Variants in TTC9C observed in about 807,000 individuals in gnomAD.
TTC9C encodes the protein tetratricopeptide repeat protein 9C.
A neutral mutation model predicts 22.5 loss-of-function variants in TTC9C; 15 were observed. That is an observed-to-expected ratio of 0.67 (90% CI 0.45 to 1.03). The LOEUF (loss-of-function observed/expected upper bound fraction) is 1.03. TTC9C is among the 50% of genes least tolerant of loss of function. The pLI is 0.00. For missense variants in TTC9C, 244 were observed against 214.6 expected (o/e 1.14, Z -0.86); for synonymous variants, 92 against 86.8 (o/e 1.06, Z -0.33).
intron 1 of TTC9C, among the ~76,000 whole-genome samples, chr11:62,731,666 C>G (rs2083850896): frequency 6.6e-6 from 1 of 151,796 alleles, no homozygotes. Context: ...ATTCTCTGTC[C>G]CGACATAGTT....
intron 1 of TTC9C, among the ~76,000 whole-genome samples, chr11:62,731,925 TCCTCCCGCCTTGG>T (rs2083855022): frequency 1.4e-5 from 2 of 146,072 alleles, no homozygotes; most frequent in South Asian, 4.3e-4. Context: ...GACCTAGTGA[TCCTCCCGCCTTGG>T]CCTCCCAAAG....
chr11:62,738,528 C>A lies in TTC9C; in HGVS notation c.*146C>A, dbSNP rs7114249. ...TTCTAGTTCTGCACAAACTTCACTA[C>A]TTAGACAGTCTGAGTCTTTTTCTGT... On this transcript the variant is annotated 3_prime_UTR_variant, in exon 3 of 3. Coordinates refer to ENST00000316461, the MANE Select transcript of TTC9C (RefSeq NM_173810.4). 7,542 of 561,664 alleles carry A rather than the reference C, an allele frequency of 0.013. 421 individuals are homozygous for A. Among genetic ancestry groups the A allele is most frequent in the African/African-American group, 0.13 (6,695 of 53,178 alleles). The allele number at this position is 561,664 out of a possible 1,614,324, so 34.8% of individuals were successfully genotyped here.
In TTC9C at chr11:62,735,512, C is replaced by T; in HGVS notation, c.369C>T (p.Asp123=). The change falls in exon 2 of 3, where the codon GAC becomes GAT. Residue 123 remains aspartate (D), a synonymous_variant. Coordinates refer to ENST00000316461, the MANE Select transcript of TTC9C (RefSeq NM_173810.4). ...RAGVAFFHLQ[D]YDQARHYLLA... The stretch of plus-strand genomic sequence containing the variant: ...GAGTGGCCTTTTTCCATCTGCAGGA[C>T]TATGACCAGGCCCGCCACTACCTCC... The T allele has an allele frequency of 6.2e-7, 1 of 1,613,714 alleles. No homozygotes were observed.
intron 2 of TTC9C, chr11:62,735,788 G>T (rs2083904674): frequency 1.1e-5 from 7 of 633,826 alleles, no homozygotes; most frequent in Non-Finnish European, 1.7e-5. Context: ...ATGTGTAGGG[G>T]GTTGATGCTT....
At chr11:62,737,586 G>T in intron 2 of TTC9C, among the ~76,000 whole-genome samples, 1 of 152,164 alleles carries the variant, frequency 6.6e-6, no homozygotes, top group South Asian at 2.1e-4. Flanking sequence ...GAATGAGAAA[G>T]CCATTATGAA....
At chr11:62,735,633 G>T (rs572561785) in intron 2 of TTC9C, 69 bp downstream of exon 2, 10 of 1,489,112 alleles carry the variant, frequency 6.7e-6, no homozygotes, top group Non-Finnish European at 8.9e-6. Context: ...TGGAAAGGGG[G>T]TTTTATTTTA....
rs111789236 is a variant in TTC9C, at chr11:62,732,992, C to G, written c.239-2390C>G. The G allele has an allele frequency of 4.4e-5, 9 of 206,820 alleles. 2 individuals are homozygous for G. Among genetic ancestry groups the G allele is most frequent in the African/African-American group, 1.7e-4 (7 of 40,734 alleles). The allele number at this position is 206,820 out of a possible 1,614,324, so 12.8% of individuals were successfully genotyped here. On this transcript the variant is annotated intron_variant, in intron 1 of 2. Transcript: ENST00000316461. ...CTCCACTTTTTTTTTTTTTTTTTGA[C>G]CACTTGGTGGGGATGTTGTAGAAGG... is the stretch of plus-strand genomic sequence containing the variant.
At chr11:62,736,325 T>G (rs762317584) in intron 2 of TTC9C, 3 of 149,986 alleles carry the variant, frequency 2.0e-5, no homozygotes, top group Non-Finnish European at 4.4e-5. Context: ...GCAGATCACC[T>G]GAGGTCAGGA....
At chr11:62,729,258 G>T (rs1280033679) in intron 1 of TTC9C, among the ~76,000 whole-genome samples, 172 bp downstream of exon 1, 1 of 151,932 alleles carries the variant, frequency 6.6e-6, no homozygotes, top group Non-Finnish European at 1.5e-5. Context: ...TTGCCATAGA[G>T]CAGGGCTTCT....
At chr11:62,732,811 A>C (rs559789132) in intron 1 of TTC9C, among the ~76,000 whole-genome samples, 1 of 151,806 alleles carries the variant, frequency 6.6e-6, no homozygotes, top group African/African-American at 2.4e-5. Context: ...AGTCCCAGCT[A>C]CTTGGGAAGC....
chr11:62,731,989 CTTTTTT>C (rs58705402), intron 1 of TTC9C, among the ~76,000 whole-genome samples: 3 of 63,216 alleles, frequency 4.7e-5, no homozygotes, highest in Non-Finnish European at 8.8e-5. Flanking sequence ...CTGGTCAGCA[CTTTTTT>C]TTTTTTTTTT....
At chr11:62,728,438 T>G (rs757097303), upstream of TTC9C, 158 of 458,358 alleles carry the variant, frequency 3.4e-4, no homozygotes, top group Non-Finnish European at 1.9e-4. Flanking sequence ...CCCACTCCCT[T>G]CTACTTCCAG....
chr11:62,729,782 G>A (rs569670202), intron 1 of TTC9C, among the ~76,000 whole-genome samples: 46 of 152,030 alleles, frequency 3.0e-4, no homozygotes, highest in African/African-American at 1.1e-3. Context: ...CATAATATTG[G>A]TCAGGCTGGT....
At position 62,729,027 on chromosome 11, in the gene TTC9C, C is replaced by G. The variant is rs368808362; in HGVS notation, c.179C>G (p.Thr60Arg). ...CTCGGACCTCAGGGCCCGGCCCTCA[C>G]GCCTGAACAAGAAAACATATTGCAT... is the stretch of plus-strand genomic sequence containing the variant. ...PNLGPQGPALTPEQENILHTT... is the reference protein window; with the variant it reads ...PNLGPQGPALRPEQENILHTT... The change falls in exon 1 of 3, where the codon ACG becomes AGG. Residue 60 changes from threonine to arginine, a missense_variant. Transcript: ENST00000316461. The G allele has an allele frequency of 6.2e-7, 1 of 1,614,110 alleles. No homozygotes were observed. The highest frequency in any genetic ancestry group is 8.5e-7 in the Non-Finnish European group (1 of 1,180,022).
intron 1 of TTC9C, 140 bp from the exon 2 acceptor site, chr11:62,735,242 T>C (rs1357749622): frequency 9.0e-7 from 1 of 1,116,258 alleles, no homozygotes; most frequent in African/African-American, 1.6e-5. Flanking sequence ...TGTAGAAGAG[T>C]GTCTGGCATA....
chr11:62,734,270 C>T (rs1039319259), intron 1 of TTC9C, among the ~76,000 whole-genome samples: 2 of 151,862 alleles, frequency 1.3e-5, no homozygotes, highest in African/African-American at 4.8e-5. Flanking sequence ...TGCACTCCAG[C>T]CTGGGCGACA....
chr11:62,732,384 G>A (rs569156945), intron 1 of TTC9C, among the ~76,000 whole-genome samples: 11 of 151,102 alleles, frequency 7.3e-5, no homozygotes, highest in Non-Finnish European at 1.0e-4. Context: ...CGAGGTGGGC[G>A]GATCACCTGA....
intron 1 of TTC9C, among the ~76,000 whole-genome samples, chr11:62,731,788 C>T (rs1373184000): frequency 2.6e-5 from 4 of 151,390 alleles, no homozygotes; most frequent in Admixed American, 2.0e-4. Flanking sequence ...AGGTTCATGC[C>T]GTTCTGCCCC....
At chr11:62,731,738 G>A (rs2083852061) in intron 1 of TTC9C, among the ~76,000 whole-genome samples, 3 of 151,178 alleles carry the variant, frequency 2.0e-5, no homozygotes, top group Admixed American at 1.3e-4. Context: ...CGCCCAGGCT[G>A]GAGTGCAGTG....
Sources: gnomAD v4.1 joint callset for allele counts (sites outside exome capture counted in the v4.1 genomes callset) on GRCh38, gnomAD v4.1.1 for gene constraint, MANE v1.5 for transcripts, NCBI Gene and HGNC (gene_info 2026-07-23, HGNC 2026-07-21) for gene names.